Variants in FMN1 observed in about 807,000 individuals in gnomAD.
FMN1 encodes the protein formin 1.
A neutral mutation model predicts 132.4 loss-of-function variants in FMN1; 110 were observed. The ratio of observed to expected loss-of-function variants is 0.83; its 90% CI spans 0.71 to 0.97. FMN1 has a LOEUF of 0.97. Ranked by LOEUF, FMN1 falls within the 50% of genes least tolerant of loss-of-function variation. The pLI, the probability that FMN1 is intolerant of heterozygous loss-of-function variation, is 0.00. For synonymous variants in FMN1, 722 were observed against 651.7 expected (o/e 1.11, Z -1.64); for missense variants, 1,792 against 1,705.3 (o/e 1.05, Z -0.90).
chr15:32,910,466 A>G lies in FMN1; in HGVS notation c.3288+8T>C. ...GAAATACTAGCTCTGTAAGTCTTTG[A>G]CACTCACGTTTTCATATAAGGCTGC... On this transcript the variant is annotated splice_region_variant and intron_variant, in intron 11 of 20. Coordinates refer to ENST00000616417, the MANE Select transcript of FMN1 (RefSeq NM_001277313.2). The G allele has an allele frequency of 6.4e-7, 1 of 1,567,404 alleles. No individual in the cohort carries two copies. The highest frequency in any genetic ancestry group is 8.7e-7 in the Non-Finnish European group (1 of 1,153,734).
At chr15:33,077,501 C>CTA (rs1348775480) in intron 5 of FMN1, among the ~76,000 whole-genome samples, 1 of 151,790 alleles carries the variant, frequency 6.6e-6, no homozygotes, top group Non-Finnish European at 1.5e-5. Flanking sequence ...TCTCATAATG[C>CTA]TATCCCTCCC....
chr15:32,924,292 C>T (rs76365655), intron 10 of FMN1, among the ~76,000 whole-genome samples: 2,054 of 152,290 alleles, frequency 0.013, 43 homozygotes, highest in African/African-American at 0.047. Flanking sequence ...AAATACGATA[C>T]AGCTTATCTG....
chr15:32,947,712 C>T (rs1008044621), intron 9 of FMN1, among the ~76,000 whole-genome samples: 1 of 152,042 alleles, frequency 6.6e-6, no homozygotes, highest in Non-Finnish European at 1.5e-5. Context: ...ATTTTCTACA[C>T]TGACTCGACC....
intron 4 of FMN1, among the ~76,000 whole-genome samples, chr15:33,146,207 G>C (rs1452882466): frequency 6.6e-6 from 1 of 152,126 alleles, no homozygotes; most frequent in East Asian, 1.9e-4. Flanking sequence ...AAGAGAGGAA[G>C]TCCCTACCTC....
chr15:32,857,251 G>C, intron 16 of FMN1, 144 bp from the exon 17 acceptor site: 1 of 651,590 alleles, frequency 1.5e-6, no homozygotes, highest in Admixed American at 2.7e-5. Flanking sequence ...GGATTGGGGG[G>C]CAGGGGGAAC....
chr15:32,813,961 G>T (rs2141060628), intron 17 of FMN1, among the ~76,000 whole-genome samples: 1 of 152,308 alleles, frequency 6.6e-6, no homozygotes, highest in African/African-American at 2.4e-5. Context: ...TTTTGAAGCT[G>T]CACTGTACTA....
At chr15:33,128,847 C>T (rs532413393) in intron 4 of FMN1, among the ~76,000 whole-genome samples, 15 of 152,372 alleles carry the variant, frequency 9.8e-5, no homozygotes, top group African/African-American at 2.9e-4. Flanking sequence ...CGGAAGACAA[C>T]CGGAGCAGAC....
intron 14 of FMN1, chr15:32,899,733 T>C: frequency 1.8e-6 from 1 of 546,106 alleles, no homozygotes; most frequent in Non-Finnish European, 3.2e-6. Context: ...TGATTGTGTA[T>C]GTCAGAGCAC....
intron 9 of FMN1, among the ~76,000 whole-genome samples, chr15:32,928,813 G>C (rs1034461843): frequency 6.6e-6 from 1 of 152,096 alleles, no homozygotes; most frequent in East Asian, 1.9e-4. Flanking sequence ...ATCCAGTTAG[G>C]GCTCTGAAAA....
intron 9 of FMN1, among the ~76,000 whole-genome samples, chr15:32,939,614 T>C (rs1482753942): frequency 6.6e-6 from 1 of 152,186 alleles, no homozygotes; most frequent in Non-Finnish European, 1.5e-5. Flanking sequence ...TCATTATTAG[T>C]AAGCTAACTT....
At chr15:32,930,385 T>A (rs955857787) in intron 9 of FMN1, among the ~76,000 whole-genome samples, 1 of 151,614 alleles carries the variant, frequency 6.6e-6, no homozygotes, top group Admixed American at 6.6e-5. Context: ...TTTGTCTACA[T>A]CCTCAAAAAA....
At chr15:33,139,156 C>CT (rs1486383382) in intron 4 of FMN1, among the ~76,000 whole-genome samples, 3 of 152,168 alleles carry the variant, frequency 2.0e-5, no homozygotes, top group Non-Finnish European at 4.4e-5. Context: ...TCCATATTGA[C>CT]TATGAGTCTA....
intron 4 of FMN1, among the ~76,000 whole-genome samples, chr15:33,137,942 C>T (rs12442650): frequency 2.0e-5 from 3 of 152,158 alleles, no homozygotes; most frequent in African/African-American, 7.2e-5. Flanking sequence ...TGACATGGGC[C>T]ACGTACTTCA....
intron 4 of FMN1, among the ~76,000 whole-genome samples, chr15:33,112,350 C>G (rs553234296): frequency 6.6e-5 from 10 of 152,076 alleles, no homozygotes; most frequent in South Asian, 2.1e-4. Flanking sequence ...AAACACCTAT[C>G]TCTATGAAGA....
chr15:33,045,186 G>T (rs1472989690), intron 6 of FMN1, among the ~76,000 whole-genome samples: 1 of 152,204 alleles, frequency 6.6e-6, no homozygotes, highest in Non-Finnish European at 1.5e-5. Context: ...AGCCTCGCAG[G>T]GAGTCAGCAC....
chr15:32,921,670 C>CT (rs374598630), intron 10 of FMN1, among the ~76,000 whole-genome samples: 29 of 111,702 alleles, frequency 2.6e-4, no homozygotes, highest in Non-Finnish European at 4.5e-4. Context: ...CCAGCTGTGT[C>CT]TTTTTTTTCT....
At chr15:33,026,229 G>T (rs558429012) in intron 6 of FMN1, among the ~76,000 whole-genome samples, 1 of 151,272 alleles carries the variant, frequency 6.6e-6, no homozygotes, top group East Asian at 2.0e-4. Flanking sequence ...AAGAGGCAGA[G>T]AAATTGAATA....
Position 32,980,803 on chromosome 15 carries a change from A to G in FMN1, c.2224-11326T>C, listed in dbSNP as rs576806493. 7.2e-5 allele frequency among the ~76,000 whole-genome samples: 11 copies of G among 152,256 alleles called. No individual in the cohort carries two copies. In the East Asian group the frequency reaches 1.9e-3, roughly 27 times the overall value. On this transcript the variant is annotated intron_variant, in intron 7 of 20. Coordinates refer to ENST00000616417, the MANE Select transcript of FMN1 (RefSeq NM_001277313.2). ...GGCCAAGGAAGGCGGATCTGAGGTTAGGAGTTCAAGATCAGCCTGGCCAAT... is the reference window on the plus strand; with the variant it reads ...GGCCAAGGAAGGCGGATCTGAGGTTGGGAGTTCAAGATCAGCCTGGCCAAT...
At chr15:33,090,663 C>T (rs1273574758) in intron 4 of FMN1, among the ~76,000 whole-genome samples, 1 of 152,150 alleles carries the variant, frequency 6.6e-6, no homozygotes, top group Non-Finnish European at 1.5e-5. Context: ...ACTCAATCCC[C>T]TTGCTACCCA....
Sources: gnomAD v4.1 joint callset for allele counts (sites outside exome capture counted in the v4.1 genomes callset) on GRCh38, gnomAD v4.1.1 for gene constraint, MANE v1.5 for transcripts, NCBI Gene and HGNC (gene_info 2026-07-23, HGNC 2026-07-21) for gene names.